Variants in PTPRD observed in about 807,000 individuals in gnomAD.
PTPRD encodes protein tyrosine phosphatase receptor type D, also known as receptor-type tyrosine-protein phosphatase delta.
A neutral mutation model predicts 214.5 loss-of-function variants in PTPRD; 34 were observed. That is an observed-to-expected ratio of 0.16 (90% CI 0.12 to 0.21). The LOEUF is 0.21. Among genes scored for constraint, PTPRD ranks in the 10% least tolerant of loss-of-function variants. The pLI is 1.00. For missense variants in PTPRD, 2,545 were observed against 2,398.7 expected, an observed-to-expected ratio of 1.06 and a Z score of -1.27; for synonymous variants, 1,128 against 845.7, an observed-to-expected ratio of 1.33 and a Z score of -5.79.
chr9:9,624,695 CA>C (rs914481434), intron 7 of PTPRD, among the ~76,000 whole-genome samples: 16 of 152,142 alleles, frequency 1.1e-4, no homozygotes, highest in African/African-American at 3.9e-4. Context: ...CTTACTTTCT[CA>C]AACATCTCAG....
chr9:9,995,892 G>A (rs747203236), intron 4 of PTPRD, among the ~76,000 whole-genome samples: 3 of 152,020 alleles, frequency 2.0e-5, no homozygotes, highest in Non-Finnish European at 4.4e-5. Flanking sequence ...CATTCCACTT[G>A]AACATTATCA....
rs115400320 is a variant in PTPRD at position 8,958,430 on chromosome 9, G to A, written c.-104+60267C>T. 3.8e-3 allele frequency among the ~76,000 whole-genome samples: 584 copies of A among 151,970 alleles called. 5 individuals carry two copies. Among genetic ancestry groups the A allele is most frequent in the African/African-American group, 0.013 (555 of 41,512 alleles). ...AATCAAAGGGCATGAGCATAATATT[G>A]GTGCAGTTTTGAGAAGATGATAGTG... On this transcript the variant is annotated intron_variant, in intron 11 of 45. Coordinates refer to ENST00000381196, the MANE Select transcript of PTPRD (RefSeq NM_002839.4).
chr9:8,905,319 G>A (rs1247880774), intron 11 of PTPRD, among the ~76,000 whole-genome samples: 3 of 151,852 alleles, frequency 2.0e-5, no homozygotes, highest in East Asian at 3.9e-4. Flanking sequence ...CCTTCTTCCC[G>A]TAGGCTCTCA....
chr9:10,475,039 T>G (rs964553569), intron 2 of PTPRD, among the ~76,000 whole-genome samples: 1 of 152,040 alleles, frequency 6.6e-6, no homozygotes, highest in South Asian at 2.1e-4. Context: ...GCAAGAAAGA[T>G]CTAAAATTGA....
intron 5 of PTPRD, among the ~76,000 whole-genome samples, chr9:9,929,506 G>C (rs1304809215): frequency 2.0e-5 from 3 of 152,134 alleles, no homozygotes; most frequent in Non-Finnish European, 4.4e-5. Flanking sequence ...CGATTCTTCT[G>C]CCTCAGCCTC....
At chr9:9,946,809 G>C (rs756077522) in intron 4 of PTPRD, among the ~76,000 whole-genome samples, 10 of 152,022 alleles carry the variant, frequency 6.6e-5, no homozygotes, top group Non-Finnish European at 7.4e-5. Context: ...GGATTTTAAC[G>C]ATAGAATTAA....
At chr9:10,077,606 T>G (rs767579968) in intron 3 of PTPRD, among the ~76,000 whole-genome samples, 1 of 152,154 alleles carries the variant, frequency 6.6e-6, no homozygotes, top group Non-Finnish European at 1.5e-5. Context: ...GTAATAAGCA[T>G]AGTATCCAAT....
At chr9:8,791,805 T>C (rs2096247571) in intron 11 of PTPRD, among the ~76,000 whole-genome samples, 1 of 152,028 alleles carries the variant, frequency 6.6e-6, no homozygotes. Flanking sequence ...CTAGACAGGC[T>C]AAAAGCTCTT....
chr9:9,841,046 G>A (rs2058211799), intron 5 of PTPRD, among the ~76,000 whole-genome samples: 1 of 151,956 alleles, frequency 6.6e-6, no homozygotes. Flanking sequence ...AAGCTGCACT[G>A]GATTTAGAGA....
At chr9:9,038,374 T>C (rs182748468) in intron 10 of PTPRD, among the ~76,000 whole-genome samples, 6 of 152,174 alleles carry the variant, frequency 3.9e-5, no homozygotes, top group South Asian at 2.1e-4. Context: ...TTCAGCAAAA[T>C]TCCCCCCACT....
chr9:10,023,484 C>CTTGAGAAAGTAAAGTTCTACATCTTTTG (rs2096862518), intron 4 of PTPRD, among the ~76,000 whole-genome samples: 1 of 152,002 alleles, frequency 6.6e-6, no homozygotes, highest in Non-Finnish European at 1.5e-5. Context: ...TACATCTTTT[C>CTTGAGAAAGTAAAGTTCTACATCTTTTG]TGTATATAAA....
chr9:9,167,725 A>G (rs2099906958), intron 10 of PTPRD, among the ~76,000 whole-genome samples: 1 of 152,178 alleles, frequency 6.6e-6, no homozygotes, highest in Non-Finnish European at 1.5e-5. Context: ...ATTGCACTCC[A>G]GCCTAGGCAA....
At chr9:8,639,697 G>A (rs1207205675) in intron 12 of PTPRD, among the ~76,000 whole-genome samples, 1 of 152,186 alleles carries the variant, frequency 6.6e-6, no homozygotes, top group Non-Finnish European at 1.5e-5. Context: ...CTAGGCAATG[G>A]ATGCTTGGGT....
At chr9:8,448,311 G>A (rs1215673947) in intron 34 of PTPRD, among the ~76,000 whole-genome samples, 4 of 152,162 alleles carry the variant, frequency 2.6e-5, no homozygotes, top group Non-Finnish European at 2.9e-5. Context: ...CTGGACAATC[G>A]AGTGAGACTC....
At chr9:8,335,944 T>C (rs1334273461) in intron 43 of PTPRD, among the ~76,000 whole-genome samples, 1 of 152,168 alleles carries the variant, frequency 6.6e-6, no homozygotes, top group Admixed American at 6.5e-5. Flanking sequence ...TGCAAACCAC[T>C]GCTCAAGGAA....
At chr9:9,821,161 G>T (rs1479295662) in intron 5 of PTPRD, among the ~76,000 whole-genome samples, 1 of 151,920 alleles carries the variant, frequency 6.6e-6, no homozygotes, top group African/African-American at 2.4e-5. Context: ...GTATTTTTGT[G>T]TGTATACGTG....
intron 2 of PTPRD, among the ~76,000 whole-genome samples, chr9:10,394,079 G>T (rs1424945314): frequency 3.5e-5 from 5 of 143,146 alleles, no homozygotes; most frequent in Middle Eastern, 3.9e-3. Flanking sequence ...TATATATAGA[G>T]AGAGAAACAT....
At chr9:9,337,854 G>T (rs535523959) in intron 9 of PTPRD, among the ~76,000 whole-genome samples, 1 of 152,240 alleles carries the variant, frequency 6.6e-6, no homozygotes, top group Admixed American at 6.5e-5. Flanking sequence ...CTCACACTTT[G>T]TGCTTCTACC....
At chr9:10,325,646 TTTAA>T (rs1164808299) in intron 3 of PTPRD, among the ~76,000 whole-genome samples, 1 of 151,952 alleles carries the variant, frequency 6.6e-6, no homozygotes, top group African/African-American at 2.4e-5. Context: ...ATTAAAAATG[TTTAA>T]TTGTTTGAAC....
Sources: gnomAD v4.1 joint callset for allele counts (sites outside exome capture counted in the v4.1 genomes callset) on GRCh38, gnomAD v4.1.1 for gene constraint, MANE v1.5 for transcripts, NCBI Gene and HGNC (gene_info 2026-07-23, HGNC 2026-07-21) for gene names.